ELP4: variants seen among roughly 807,000 people sequenced by gnomAD.
The protein encoded by ELP4 is elongator acetyltransferase complex subunit 4, also known as elongator complex protein 4.
ELP4 carries 51 observed loss-of-function variants against 48.9 expected under a neutral mutation model. The observed-to-expected ratio is 1.04, with a 90% confidence interval of 0.83 to 1.32. The LOEUF is 1.32. Ranked by LOEUF, ELP4 falls within the 40% of genes most tolerant of loss-of-function variation. ELP4 has a pLI of 0.00. For missense variants in ELP4, 519 were observed against 514.6 expected, an observed-to-expected ratio of 1.01 and a Z score of -0.08; for synonymous variants, 210 against 189.2, an observed-to-expected ratio of 1.11 and a Z score of -0.90.
intron 3 of ELP4, among the ~76,000 whole-genome samples, chr11:31,575,135 T>A (rs1219369776): frequency 1.3e-5 from 2 of 152,178 alleles, no homozygotes; most frequent in East Asian, 1.9e-4. Context: ...GAGAACTACG[T>A]GAAGCATGCA....
chr11:31,741,704 A>G (rs1193325280), intron 9 of ELP4, among the ~76,000 whole-genome samples: 2 of 152,212 alleles, frequency 1.3e-5, no homozygotes, highest in East Asian at 3.9e-4. Context: ...TAGAAGGAAA[A>G]CTAACAAACA....
intron 4 of ELP4, among the ~76,000 whole-genome samples, chr11:31,598,199 C>T (rs182109587): frequency 3.9e-5 from 6 of 151,932 alleles, no homozygotes; most frequent in Admixed American, 6.6e-5. Flanking sequence ...CGTGATCCGC[C>T]GACCTCGGCC....
chr11:31,737,299 C>G (rs1443645365), intron 9 of ELP4, among the ~76,000 whole-genome samples: 1 of 151,918 alleles, frequency 6.6e-6, no homozygotes, highest in Non-Finnish European at 1.5e-5. Context: ...AGGGGAACAT[C>G]ACACACTGGG....
intron 9 of ELP4, among the ~76,000 whole-genome samples, chr11:31,738,172 G>A (rs1294621272): frequency 7.2e-6 from 1 of 139,464 alleles, no homozygotes; most frequent in African/African-American, 2.7e-5. Context: ...AAGACAGGAA[G>A]ATTGCTTGAG....
At chr11:31,723,836 A>C (rs747574581) in intron 9 of ELP4, among the ~76,000 whole-genome samples, 15 of 152,218 alleles carry the variant, frequency 9.9e-5, no homozygotes, top group Non-Finnish European at 1.6e-4. Context: ...ACAGTGTTCG[A>C]GGCTTTGTCT....
chr11:31,709,642 C>T (rs1007597150), intron 9 of ELP4, among the ~76,000 whole-genome samples: 2 of 152,084 alleles, frequency 1.3e-5, no homozygotes, highest in East Asian at 1.9e-4. Flanking sequence ...TTTGACTCTA[C>T]GTCCTTATTT....
At chr11:31,674,798 T>C (rs1483015585) in intron 9 of ELP4, among the ~76,000 whole-genome samples, 3 of 152,240 alleles carry the variant, frequency 2.0e-5, no homozygotes, top group South Asian at 2.1e-4. Flanking sequence ...ATTAAACTTA[T>C]TCAAGCTCAG....
At chr11:31,668,840 T>C (rs1945742450) in intron 9 of ELP4, among the ~76,000 whole-genome samples, 1 of 152,054 alleles carries the variant, frequency 6.6e-6, no homozygotes, top group South Asian at 2.1e-4. Context: ...AAGGACTAAT[T>C]ATGTGAGGGT....
Position 31,698,084 on chromosome 11 carries a change from C to T in ELP4, c.1143+47863C>T, listed in dbSNP as rs141416302. Among the ~76,000 whole-genome samples, 331 of 152,088 alleles carry T rather than the reference C, an allele frequency of 2.2e-3. 1 individual carries two copies. The highest frequency in any genetic ancestry group is 3.4e-3 in the Non-Finnish European group (232 of 67,996). ...CTGGCATTTGAACAGCTGTTATATCCAATTCAGATTTGCATACTGTTGTTT... is the reference window on the plus strand; with the variant it reads ...CTGGCATTTGAACAGCTGTTATATCTAATTCAGATTTGCATACTGTTGTTT... On this transcript the variant is annotated intron_variant, in intron 9 of 9. Coordinates refer to ENST00000640961, the MANE Select transcript of ELP4 (RefSeq NM_019040.5).
chr11:31,598,343 T>A (rs1957714266), intron 4 of ELP4, among the ~76,000 whole-genome samples: 1 of 152,038 alleles, frequency 6.6e-6, no homozygotes, highest in Non-Finnish European at 1.5e-5. Context: ...TTTTTATAAA[T>A]TCGAATCATA....
intron 9 of ELP4, among the ~76,000 whole-genome samples, chr11:31,697,956 C>CT (rs5790864): frequency 0.021 from 3,134 of 151,458 alleles, 103 homozygotes; most frequent in African/African-American, 0.072. Context: ...TCAGAAAATG[C>CT]TTTTTTTTTA....
chr11:31,520,920 C>T (rs1956203022), intron 2 of ELP4, among the ~76,000 whole-genome samples: 1 of 151,904 alleles, frequency 6.6e-6, no homozygotes. Context: ...AATCATGCCC[C>T]GACCTAAATA....
At chr11:31,763,448 T>G (rs1274890867) in intron 9 of ELP4, 1 of 1,609,628 alleles carries the variant, frequency 6.2e-7, no homozygotes. Context: ...GAGAGGAACA[T>G]TTATCCTCCA....
chr11:31,620,525 T>TGG, intron 5 of ELP4, among the ~76,000 whole-genome samples: 1 of 152,006 alleles, frequency 6.6e-6, no homozygotes, highest in South Asian at 2.1e-4. Flanking sequence ...AAAACAACCA[T>TGG]GGGGATGATC....
chr11:31,750,195 G>A (rs1168683484), intron 9 of ELP4, among the ~76,000 whole-genome samples: 1 of 151,998 alleles, frequency 6.6e-6, no homozygotes, highest in African/African-American at 2.4e-5. Context: ...AGTATTTCCT[G>A]GAAGCATATG....
chr11:31,637,449 TATTATA>T lies in ELP4; in HGVS notation c.927+5052_927+5057del, dbSNP rs757848584. 1.2e-4 allele frequency: 18 copies of T among 152,042 alleles called. No homozygotes were observed. In the East Asian group the frequency reaches 1.7e-3, roughly 15 times the overall value. 9.4% of individuals were successfully genotyped at this position (152,042 alleles called of 1,614,324 possible). A position where few individuals can be genotyped will look rare whatever the true frequency, so the allele number is the denominator to read the frequency against. ...CTATATTTAAACTCTTCCTACATAT[TATTATA>T]ATTATAAGAATATTATTGCAACTTT... On this transcript the variant is annotated intron_variant, in intron 7 of 9. Transcript: ENST00000640961.
intron 9 of ELP4, among the ~76,000 whole-genome samples, chr11:31,702,780 A>G (rs1234628087): frequency 1.3e-5 from 2 of 152,198 alleles, no homozygotes; most frequent in Non-Finnish European, 2.9e-5. Context: ...TTTTTTAGCT[A>G]TGTGACCTTG....
At chr11:31,629,263 G>A (rs1195736545) in intron 6 of ELP4, among the ~76,000 whole-genome samples, 1 of 151,746 alleles carries the variant, frequency 6.6e-6, no homozygotes, top group African/African-American at 2.4e-5. Flanking sequence ...GTTCTCGTAG[G>A]AATAAAACTA....
intron 3 of ELP4, among the ~76,000 whole-genome samples, chr11:31,543,899 CTT>C (rs144251782): frequency 0.026 from 4,026 of 152,246 alleles, 166 homozygotes; most frequent in African/African-American, 0.091. Context: ...AAAATAAAGA[CTT>C]TCTCAAATGC....
Sources: allele counts gnomAD v4.1 joint callset (sites outside exome capture counted in the v4.1 genomes callset), GRCh38; gene constraint gnomAD v4.1.1; transcripts MANE v1.5; gene names NCBI Gene and HGNC (gene_info 2026-07-23, HGNC 2026-07-21).